DAAM1: variants seen among roughly 807,000 people sequenced by gnomAD.
DAAM1 encodes disheveled-associated activator of morphogenesis 1.
DAAM1 carries 52 observed loss-of-function variants against 130.0 expected under a neutral mutation model. The ratio of observed to expected loss-of-function variants is 0.40; its 90% CI spans 0.32 to 0.50. DAAM1 has a LOEUF of 0.50. Ranked by LOEUF, DAAM1 falls within the 20% of genes least tolerant of loss-of-function variation. The probability of loss-of-function intolerance (pLI) is 0.61; values close to 1 mark genes in which losing one functional copy is unlikely to be tolerated. For synonymous variants in DAAM1, 452 were observed against 444.5 expected (o/e 1.02, Z -0.21); for missense variants, 1,134 against 1,303.8 (o/e 0.87, Z 2.01).
intron 1 of DAAM1, among the ~76,000 whole-genome samples, chr14:59,243,998 A>G (rs1881240581): frequency 6.6e-6 from 1 of 152,156 alleles, no homozygotes; most frequent in African/African-American, 2.4e-5. Flanking sequence ...CTGGTAGACT[A>G]AATTGCTATT....
intron 1 of DAAM1, among the ~76,000 whole-genome samples, chr14:59,202,320 A>G (rs1027194424): frequency 8.5e-5 from 13 of 152,210 alleles, no homozygotes; most frequent in Non-Finnish European, 1.2e-4. Flanking sequence ...CCAGAGTTAC[A>G]GTGACCCAAG....
At chr14:59,364,275 C>T (rs1292984211) in intron 23 of DAAM1, among the ~76,000 whole-genome samples, 2 of 152,050 alleles carry the variant, frequency 1.3e-5, no homozygotes, top group African/African-American at 2.4e-5. Flanking sequence ...GTATAAATCT[C>T]CAGCAGAACT....
chr14:59,368,763 C>G lies in DAAM1; in HGVS notation c.3111C>G (p.Asp1037Glu). ...CTTTACGCTCAGGAGAAGTGTTTGA[C>G]AAAGACCTTTCTAAATTGAAACGGA... ...VSALRSGEVFDKDLSKLKRNR... is the reference protein window; with the variant it reads ...VSALRSGEVFEKDLSKLKRNR... Residue 1037 changes from aspartate to glutamate, a missense_variant, in exon 25 of 25, where the codon GAC becomes GAG. By Grantham distance (45) the Asp-to-Glu change is conservative. This residue lies in a region of DAAM1 where 644 missense variants were observed against 695.9 expected (regional missense o/e 0.93). Transcript: ENST00000360909. The G allele has an allele frequency of 6.2e-7, 1 of 1,613,990 alleles. No individual in the cohort carries two copies. Among genetic ancestry groups the G allele is most frequent in the South Asian group, 1.1e-5 (1 of 91,072 alleles).
rs193258375 is a variant in DAAM1, at chr14:59,347,529, C to A, written c.2076-10C>A. Reference sequence around the variant, plus strand: ...CCAATATGGTTAATAACAAAATATTCTTTCTCCAGGTTGAAATTATCCAAT... The same window carrying A: ...CCAATATGGTTAATAACAAAATATTATTTCTCCAGGTTGAAATTATCCAAT... On this transcript the variant is annotated splice_polypyrimidine_tract_variant and intron_variant, in intron 16 of 24. Transcript: ENST00000360909. 82 of 1,611,726 alleles carry A rather than the reference C, an allele frequency of 5.1e-5. No individual in the cohort carries two copies. The highest frequency in any genetic ancestry group is 6.9e-5 in the Non-Finnish European group (81 of 1,178,602).
chr14:59,359,597 A>G (rs1038829015), intron 21 of DAAM1, 93 bp downstream of exon 21: 4 of 863,332 alleles, frequency 4.6e-6, no homozygotes, highest in Non-Finnish European at 7.4e-6. Flanking sequence ...CAGTCCTTCT[A>G]TTTGTTTTCC....
At chr14:59,272,596 A>AAT (rs199955715) in intron 2 of DAAM1, among the ~76,000 whole-genome samples, 23,495 of 117,502 alleles carry the variant, frequency 0.2, 2,089 homozygotes, top group Middle Eastern at 0.24. Flanking sequence ...AAACAAACAA[A>AAT]ATATATATAT....
In DAAM1 at chr14:59,300,729, TTC is replaced by T. The variant is rs1468522070; in HGVS notation, c.273+9425_273+9426del. Among the ~76,000 whole-genome samples, 11 of 152,324 alleles carry T rather than the reference TTC, an allele frequency of 7.2e-5. No homozygotes were observed. The East Asian group carries it at 7.7e-4, about 11-fold the overall frequency. On this transcript the variant is annotated intron_variant, in intron 3 of 24. Coordinates refer to ENST00000360909, the MANE Select transcript of DAAM1 (RefSeq NM_001270520.2). ...CTGCTCTTCTGAAAGTGGTTTGTGT[TTC>T]TGTCTTTTACTTACCCATATATTTA...
intron 1 of DAAM1, among the ~76,000 whole-genome samples, chr14:59,240,480 T>C (rs565635264): frequency 6.6e-6 from 1 of 152,198 alleles, no homozygotes; most frequent in African/African-American, 2.4e-5. Context: ...ATTGAATCAC[T>C]CAATGGAAAG....
chr14:59,256,070 A>ATG (rs771484992), intron 1 of DAAM1, among the ~76,000 whole-genome samples: 3 of 152,180 alleles, frequency 2.0e-5, no homozygotes, highest in Non-Finnish European at 2.9e-5. Context: ...CATCTTATAA[A>ATG]TGTGTGGCAG....
chr14:59,315,329 A>T lies in DAAM1; in HGVS notation c.323A>T (p.Asp108Val), dbSNP rs757913382. The change falls in exon 4 of 25, where the codon GAT becomes GTT. Residue 108 changes from aspartate to valine, a missense_variant. Around this residue, in one of 3 missense-constraint regions of DAAM1, gnomAD observed 391 missense variants for 521.6 expected, o/e 0.75. Coordinates refer to ENST00000360909, the MANE Select transcript of DAAM1 (RefSeq NM_001270520.2). ...GATSWPEFYI[D>V]QLNSMAARKS... is the part of the protein sequence containing the mutation. ...ACAAGTTGGCCTGAATTCTACATTG[A>T]TCAGCTCAATTCCATGGCTGCTGTA... The T allele has an allele frequency of 3.1e-6, 5 of 1,614,000 alleles. No individual in the cohort carries two copies. The highest frequency in any genetic ancestry group is 4.2e-6 in the Non-Finnish European group (5 of 1,179,942).
chr14:59,307,146 C>T (rs1884408894), intron 3 of DAAM1, among the ~76,000 whole-genome samples: 1 of 152,214 alleles, frequency 6.6e-6, no homozygotes, highest in Non-Finnish European at 1.5e-5. Flanking sequence ...AATATCCTGT[C>T]TATAGCACTC....
chr14:59,348,637 G>A (rs573096205), intron 17 of DAAM1, among the ~76,000 whole-genome samples: 2 of 152,204 alleles, frequency 1.3e-5, no homozygotes, highest in African/African-American at 4.8e-5. Context: ...TGAACTCCAG[G>A]TTGCATCTGT....
At chr14:59,211,683 A>G (rs543146730) in intron 1 of DAAM1, among the ~76,000 whole-genome samples, 23 of 152,382 alleles carry the variant, frequency 1.5e-4, no homozygotes, top group African/African-American at 5.5e-4. Context: ...TAAAATAATC[A>G]GACACTTCAC....
intron 1 of DAAM1, among the ~76,000 whole-genome samples, chr14:59,189,435 G>T (rs1430704408): frequency 6.6e-6 from 1 of 152,208 alleles, no homozygotes; most frequent in Non-Finnish European, 1.5e-5. Context: ...CGGCCGGGGA[G>T]GCTGCGCCGC....
chr14:59,349,675 T>TGA (rs766192431), intron 17 of DAAM1, among the ~76,000 whole-genome samples: 5 of 152,208 alleles, frequency 3.3e-5, no homozygotes, highest in African/African-American at 9.7e-5. Flanking sequence ...TGATCTCAGA[T>TGA]GAGAGAGAGA....
chr14:59,216,041 T>G (rs1205502130), intron 1 of DAAM1, among the ~76,000 whole-genome samples: 2 of 152,110 alleles, frequency 1.3e-5, no homozygotes, highest in Admixed American at 6.5e-5. Flanking sequence ...ACTCTTCTTG[T>G]GGGTGGAGTT....
chr14:59,360,005 C>T (rs755731171), intron 21 of DAAM1, among the ~76,000 whole-genome samples: 9 of 152,208 alleles, frequency 5.9e-5, no homozygotes, highest in African/African-American at 9.6e-5. Context: ...CTGTTTTTCC[C>T]TCCCTCTTTT....
Position 59,323,089 on chromosome 14 carries a change from GCA to G in DAAM1, c.641_642del (p.Thr214ArgfsTer4). ...ATTAATGTAATTGCTCAGAGTCTGA[GCA>G]CAGAGAACATTAAAACGAAGGTGGC... On this transcript the variant is annotated frameshift_variant, in exon 6 of 25. Transcript: ENST00000360909. LOFTEE classifies it high-confidence loss of function. 6.2e-7 allele frequency: 1 copy of G among 1,613,818 alleles called. No individual in the cohort carries two copies. Among genetic ancestry groups the G allele is most frequent in the Non-Finnish European group, 8.5e-7 (1 of 1,179,844 alleles).
At chr14:59,237,970 T>G (rs1485853410) in intron 1 of DAAM1, among the ~76,000 whole-genome samples, 4 of 152,230 alleles carry the variant, frequency 2.6e-5, no homozygotes, top group African/African-American at 9.6e-5. Flanking sequence ...GATCTTTCCA[T>G]CATTGAAGCC....
Sources: gnomAD v4.1 joint callset for allele counts (sites outside exome capture counted in the v4.1 genomes callset) on GRCh38, gnomAD v4.1.1 for gene constraint, gnomAD v4.1.1 regional missense constraint, MANE v1.5 for transcripts, NCBI Gene and HGNC (gene_info 2026-07-23, HGNC 2026-07-21) for gene names.